The following FSHR variants were observed in gnomAD, a reference collection of about 807,000 sequenced individuals.
FSHR encodes the protein follicle stimulating hormone receptor, also known as follicle-stimulating hormone receptor.
FSHR carries 46 observed loss-of-function variants against 52.1 expected under a neutral mutation model. The ratio of observed to expected loss-of-function variants is 0.88; its 90% CI spans 0.70 to 1.13. The LOEUF is 1.13. Ranked by LOEUF, FSHR falls within the 50% of genes most tolerant of loss-of-function variation. The pLI, the probability that FSHR is intolerant of heterozygous loss-of-function variation, is 0.00. For missense variants in FSHR, 964 were observed against 834.6 expected, an observed-to-expected ratio of 1.16 and a Z score of -1.91; for synonymous variants, 399 against 309.6, an observed-to-expected ratio of 1.29 and a Z score of -3.03.
chr2:49,131,680 C>T (rs999896841), intron 1 of FSHR, among the ~76,000 whole-genome samples: 1 of 152,106 alleles, frequency 6.6e-6, no homozygotes, highest in Non-Finnish European at 1.5e-5. Context: ...TACCCTCTCC[C>T]CTACTCAAGC....
At chr2:49,029,480 T>A (rs1431787939) in intron 2 of FSHR, among the ~76,000 whole-genome samples, 2 of 152,124 alleles carry the variant, frequency 1.3e-5, no homozygotes, top group Non-Finnish European at 2.9e-5. Flanking sequence ...TTTGGAAAGG[T>A]CTCTTGAGTG....
intron 2 of FSHR, among the ~76,000 whole-genome samples, chr2:49,034,043 A>G (rs1239031256): frequency 6.6e-6 from 1 of 152,198 alleles, no homozygotes. Context: ...GCACAGTGCA[A>G]CACTGCAGAA....
chr2:49,070,823 A>G (rs1364277129), intron 1 of FSHR, among the ~76,000 whole-genome samples: 6 of 152,308 alleles, frequency 3.9e-5, no homozygotes, highest in African/African-American at 9.6e-5. Flanking sequence ...TTCACGAAAA[A>G]TTACCCAGAA....
intron 1 of FSHR, among the ~76,000 whole-genome samples, chr2:49,111,076 C>A (rs1328708567): frequency 6.6e-6 from 1 of 152,148 alleles, no homozygotes. Flanking sequence ...GAGGCAGAAA[C>A]CCCTCTGGGG....
chr2:49,013,752 T>C (rs1169633925), intron 4 of FSHR, among the ~76,000 whole-genome samples: 1 of 151,684 alleles, frequency 6.6e-6, no homozygotes, highest in Non-Finnish European at 1.5e-5. Flanking sequence ...TGTAGAATTA[T>C]ATAACTGCAA....
chr2:48,992,052 A>C (rs1416161508), intron 4 of FSHR, among the ~76,000 whole-genome samples: 1 of 151,240 alleles, frequency 6.6e-6, no homozygotes, highest in African/African-American at 2.4e-5. Flanking sequence ...TGATTCCCTA[A>C]TGTCCACATA....
intron 4 of FSHR, among the ~76,000 whole-genome samples, chr2:49,009,470 A>C (rs1667193193): frequency 6.8e-6 from 1 of 146,962 alleles, no homozygotes; most frequent in South Asian, 2.2e-4. Context: ...TGATGCCTCC[A>C]GCTTTGTTCT....
chr2:49,042,956 A>G (rs1329313160), intron 2 of FSHR, among the ~76,000 whole-genome samples: 1 of 152,130 alleles, frequency 6.6e-6, no homozygotes, highest in Non-Finnish European at 1.5e-5. Flanking sequence ...ACACCTTAGG[A>G]AAAAAGGAAG....
In FSHR at chr2:48,962,487, A is replaced by T. The variant is rs72825259; in HGVS notation, c.*246T>A. ...CACTTTGAACATAACGTGCAAAAAT[A>T]ACATATATAAGGATAAAATATGTAA... On this transcript the variant is annotated 3_prime_UTR_variant, in exon 10 of 10. Transcript: ENST00000406846. The T allele has an allele frequency of 0.026, 12,697 of 487,370 alleles. 248 individuals carry two copies. The highest frequency in any genetic ancestry group is 0.05 in the Middle Eastern group (85 of 1,698). The allele number at this position is 487,370 out of a possible 1,614,324, so 30.2% of individuals were successfully genotyped here.
chr2:49,144,907 T>G (rs908246739), intron 1 of FSHR, among the ~76,000 whole-genome samples: 1 of 152,142 alleles, frequency 6.6e-6, no homozygotes, highest in African/African-American at 2.4e-5. Flanking sequence ...AGGAAATTAC[T>G]TATAAGTTCA....
At chr2:49,034,705 G>A (rs773516024) in intron 2 of FSHR, among the ~76,000 whole-genome samples, 7 of 152,044 alleles carry the variant, frequency 4.6e-5, no homozygotes, top group Non-Finnish European at 8.8e-5. Context: ...TTTCTTTGAC[G>A]ATACTGCGAT....
intron 2 of FSHR, among the ~76,000 whole-genome samples, chr2:49,022,414 G>C (rs1667758804): frequency 6.6e-6 from 1 of 152,136 alleles, no homozygotes; most frequent in African/African-American, 2.4e-5. Context: ...CGAGGGTTGG[G>C]GGCAGGTGAA....
chr2:49,049,507 C>T (rs62162080), intron 2 of FSHR, among the ~76,000 whole-genome samples: 20,917 of 151,828 alleles, frequency 0.14, 1,444 homozygotes, highest in Middle Eastern at 0.21. Context: ...ATCAAATGGC[C>T]AAGAGGGTGG....
At chr2:48,968,146 T>C (rs770051150) in intron 9 of FSHR, among the ~76,000 whole-genome samples, 3 of 152,208 alleles carry the variant, frequency 2.0e-5, no homozygotes, top group Non-Finnish European at 4.4e-5. Flanking sequence ...TGGGCTTCCT[T>C]GAACCCGGCT....
At chr2:49,084,672 G>A (rs1178740905) in intron 1 of FSHR, among the ~76,000 whole-genome samples, 5 of 152,278 alleles carry the variant, frequency 3.3e-5, no homozygotes, top group Admixed American at 6.5e-5. Context: ...TATCATCACC[G>A]ATCCCACAGA....
chr2:49,023,118 T>C (rs1219336526), intron 2 of FSHR, among the ~76,000 whole-genome samples: 2 of 152,172 alleles, frequency 1.3e-5, no homozygotes, highest in Non-Finnish European at 2.9e-5. Flanking sequence ...GAGAATGAAG[T>C]AGTTGGTTTA....
chr2:49,135,012 A>G (rs1031515770), intron 1 of FSHR, among the ~76,000 whole-genome samples: 1 of 152,168 alleles, frequency 6.6e-6, no homozygotes, highest in Non-Finnish European at 1.5e-5. Flanking sequence ...ACATGTATAC[A>G]TATGTAACTA....
intron 1 of FSHR, among the ~76,000 whole-genome samples, chr2:49,118,660 A>G (rs1671691209): frequency 6.6e-6 from 1 of 152,166 alleles, no homozygotes; most frequent in African/African-American, 2.4e-5. Flanking sequence ...ACTAGACCCA[A>G]TGTGATACTA....
intron 1 of FSHR, among the ~76,000 whole-genome samples, chr2:49,085,495 G>T (rs1670345363): frequency 6.6e-6 from 1 of 152,150 alleles, no homozygotes; most frequent in African/African-American, 2.4e-5. Flanking sequence ...TTCTGGCCAG[G>T]GCAATTAGGC....
Sources: gnomAD v4.1 joint callset for allele counts (sites outside exome capture counted in the v4.1 genomes callset) on GRCh38, gnomAD v4.1.1 for gene constraint, MANE v1.5 for transcripts, NCBI Gene and HGNC (gene_info 2026-07-23, HGNC 2026-07-21) for gene names.